FXR2: variants seen among roughly 807,000 people sequenced by gnomAD.
The protein encoded by FXR2 is RNA-binding protein FXR2.
In FXR2, 9 loss-of-function variants were observed where a neutral mutation model predicts 87.3. The observed-to-expected ratio is 0.10, with a 90% CI of 0.06 to 0.18. The LOEUF is 0.18. FXR2 is among the 10% of genes least tolerant of loss of function. The probability of loss-of-function intolerance (pLI) is 1.00; values close to 1 mark genes in which losing one functional copy is unlikely to be tolerated. For missense variants in FXR2, 661 were observed against 893.6 expected, an observed-to-expected ratio of 0.74 and a Z score of 3.32; for synonymous variants, 331 against 328.3, an observed-to-expected ratio of 1.01 and a Z score of -0.09.
At chr17:7,614,108 T>C (rs2071907773) in intron 1 of FXR2, 1 of 535,346 alleles carries the variant, frequency 1.9e-6, no homozygotes, top group African/African-American at 1.9e-5. Context: ...GATTAAGGTC[T>C]AAGGTATGTC....
rs369002233 is a variant in FXR2, at chr17:7,592,768, C to T, written c.1655G>A (p.Arg552His). ...SARRRRSRRR[R>H]TDEDRTVMDG... Reference sequence around the variant, plus strand: ...CATGACGGTCCTGTCTTCATCAGTGCGGCGGCGGCGGGAGCGGCGGCGCCT... The same window carrying T: ...CATGACGGTCCTGTCTTCATCAGTGTGGCGGCGGCGGGAGCGGCGGCGCCT... Residue 552 changes from arginine (R) to histidine (H), a missense_variant, in exon 14 of 17, where the codon CGC becomes CAC. Arg to His is a conservative substitution (Grantham distance 29). Coordinates refer to ENST00000250113, the MANE Select transcript of FXR2 (RefSeq NM_004860.4). The surrounding 1 kb of genome is among the most constrained non-coding windows in gnomAD (Gnocchi z 4.8). 3.5e-5 allele frequency: 57 copies of T among 1,611,762 alleles called. No homozygotes were observed. Among genetic ancestry groups the T allele is most frequent in the Non-Finnish European group, 4.4e-5 (52 of 1,178,574 alleles).
At chr17:7,604,151 C>G in intron 3 of FXR2, 71 bp from the exon 4 acceptor site, 1 of 1,186,692 alleles carries the variant, frequency 8.4e-7, no homozygotes. Context: ...ATGAGGAGGC[C>G]GGGCATGGTG....
Position 7,614,556 on chromosome 17 carries a change from C to T in FXR2, c.-24G>A. The T allele has an allele frequency of 7.0e-6, 10 of 1,422,550 alleles. No homozygotes were observed. The highest frequency in any genetic ancestry group is 1.4e-5 in the South Asian group (1 of 71,386). 88.1% of individuals were successfully genotyped at this position (1,422,550 alleles called of 1,614,324 possible). A position where few individuals can be genotyped will look rare whatever the true frequency, so the allele number is the denominator to read the frequency against. Reference sequence around the variant, plus strand: ...ATGGCGCCGCCACCGCCTCCGACTCCCCCGGCGGCGGCTGCAGCAGCAGTC... The same window carrying T: ...ATGGCGCCGCCACCGCCTCCGACTCTCCCGGCGGCGGCTGCAGCAGCAGTC... On this transcript the variant is annotated 5_prime_UTR_variant, in exon 1 of 17. Coordinates refer to ENST00000250113, the MANE Select transcript of FXR2 (RefSeq NM_004860.4).
rs191727650 is a variant in FXR2, at chr17:7,602,304, G to A, written c.543+605C>T. Among the ~76,000 whole-genome samples the A allele has an allele frequency of 1.1e-4, 17 of 152,178 alleles. No individual in the cohort carries two copies. The South Asian group carries it at 3.1e-3, about 28-fold the overall frequency. On this transcript the variant is annotated intron_variant, in intron 6 of 16. Transcript: ENST00000250113. Reference sequence around the variant, plus strand: ...GGGCATGTCGGGCGCGGTGGCTCACGTCTGTAATCCCAGCACTTTGGGAGG... The same window carrying A: ...GGGCATGTCGGGCGCGGTGGCTCACATCTGTAATCCCAGCACTTTGGGAGG...
intron 1 of FXR2, among the ~76,000 whole-genome samples, chr17:7,613,178 A>G (rs1344885286): frequency 6.6e-6 from 1 of 151,800 alleles, no homozygotes; most frequent in Non-Finnish European, 1.5e-5. Context: ...CAGTGGGGGA[A>G]AAAGGCCTGA....
chr17:7,605,603 G>A (rs779131323), intron 3 of FXR2, 42 bp downstream of exon 3: 1 of 1,014,918 alleles, frequency 9.9e-7, no homozygotes. Flanking sequence ...TAGAATCCTG[G>A]GGAAAAGTGA....
At position 7,592,706 on chromosome 17, in the gene FXR2, C is replaced by G. The variant is rs781405287; in HGVS notation, c.1717G>C (p.Glu573Gln). Residue 573 changes from glutamate (E) to glutamine (Q), a missense_variant, in exon 14 of 17, where the codon GAG becomes CAG. By Grantham distance (29) the Glu-to-Gln change is conservative. Transcript: ENST00000250113. The surrounding 1 kb of genome is among the most constrained non-coding windows in gnomAD (Gnocchi z 4.8). ...GLESDGPNMT[E>Q]NGLEDESRPQ... is the part of the protein sequence containing the mutation. The stretch of plus-strand genomic sequence containing the variant: ...GGCACACCCTCACCCAGGCCATTCT[C>G]TGTCATGTTGGGCCCATCTGATTCC... 44 of 1,613,706 alleles carry G rather than the reference C, an allele frequency of 2.7e-5. No homozygotes were observed. The South Asian group carries it at 4.5e-4, about 17-fold the overall frequency.
chr17:7,599,410 C>T (rs776617863), intron 7 of FXR2, among the ~76,000 whole-genome samples: 2 of 152,170 alleles, frequency 1.3e-5, no homozygotes, highest in Non-Finnish European at 2.9e-5. Context: ...CAAAGATTAT[C>T]ATGACCCAGA....
chr17:7,612,368 G>A (rs2071873785), intron 1 of FXR2, among the ~76,000 whole-genome samples: 1 of 152,204 alleles, frequency 6.6e-6, no homozygotes, highest in South Asian at 2.1e-4. Context: ...AAAAGGATAT[G>A]AGAGACAAAT....
In FXR2 at chr17:7,614,783, T is replaced by G; in HGVS notation, c.-251A>C. ...GGAAACGGCCGCCGCCGCCGCTGCC[T>G]TCGTCACCTCAGCTTCCGCCCGCCG... On this transcript the variant is annotated 5_prime_UTR_variant, in exon 1 of 17. Coordinates refer to ENST00000250113, the MANE Select transcript of FXR2 (RefSeq NM_004860.4). The G allele has an allele frequency of 4.8e-6, 1 of 209,918 alleles. No individual in the cohort carries two copies. Among genetic ancestry groups the G allele is most frequent in the Non-Finnish European group, 9.2e-6 (1 of 109,098 alleles). The allele number at this position is 209,918 out of a possible 1,614,324, so 13.0% of individuals were successfully genotyped here. A position where few individuals can be genotyped will look rare whatever the true frequency, so the allele number is the denominator to read the frequency against.
chr17:7,596,574 A>G (rs947755337), intron 7 of FXR2: 1 of 152,696 alleles, frequency 6.5e-6, no homozygotes, highest in Non-Finnish European at 1.5e-5. Flanking sequence ...TGGCCCTAAC[A>G]GTATCTGTCC....
At position 7,592,731 on chromosome 17, in the gene FXR2, C is replaced by T; in HGVS notation, c.1692G>A (p.Leu564=). 2 of 1,613,392 alleles carry T rather than the reference C, an allele frequency of 1.2e-6. No homozygotes were observed. Among genetic ancestry groups the T allele is most frequent in the Non-Finnish European group, 1.7e-6 (2 of 1,179,732 alleles). The change falls in exon 14 of 17, where the codon CTG becomes CTA. Residue 564 remains leucine (L), a synonymous_variant. Transcript: ENST00000250113. This position sits in a 1 kb window ranked among gnomAD's most constrained non-coding sequence, Gnocchi z 4.8. ...DEDRTVMDGG[L]ESDGPNMTEN... is the part of the protein sequence containing the mutation. ...CTGTCATGTTGGGCCCATCTGATTCCAGGCCTCCATCCATGACGGTCCTGT... is the reference window on the plus strand; with the variant it reads ...CTGTCATGTTGGGCCCATCTGATTCTAGGCCTCCATCCATGACGGTCCTGT...
chr17:7,594,627 G>T lies in FXR2; in HGVS notation c.910+52C>A. 8.9e-7 allele frequency: 1 copy of T among 1,125,042 alleles called. No individual in the cohort carries two copies. Among genetic ancestry groups the T allele is most frequent in the Non-Finnish European group, 1.4e-6 (1 of 733,534 alleles). The allele number at this position is 1,125,042 out of a possible 1,614,324, so 69.7% of individuals were successfully genotyped here. On this transcript the variant is annotated intron_variant, in intron 9 of 16. Coordinates refer to ENST00000250113, the MANE Select transcript of FXR2 (RefSeq NM_004860.4). This position sits in a 1 kb window ranked among gnomAD's most constrained non-coding sequence, Gnocchi z 5.1. Reference sequence around the variant, plus strand: ...TCCTGGATAAAAGCTCAGAATCACTGTAGAGAATCTTGATTCTGACCTCTA... The same window carrying T: ...TCCTGGATAAAAGCTCAGAATCACTTTAGAGAATCTTGATTCTGACCTCTA...
intron 1 of FXR2, among the ~76,000 whole-genome samples, chr17:7,613,361 A>C (rs1376860797): frequency 1.3e-5 from 2 of 152,088 alleles, no homozygotes; most frequent in Non-Finnish European, 2.9e-5. Context: ...CAACAGTCAC[A>C]CAAAGAAAAA....
At chr17:7,597,152 C>T (rs1327033127) in intron 7 of FXR2, among the ~76,000 whole-genome samples, 3 of 152,106 alleles carry the variant, frequency 2.0e-5, no homozygotes, top group Non-Finnish European at 4.4e-5. Flanking sequence ...GAACACCAGG[C>T]TTTCACTTCA....
chr17:7,607,919 A>C (rs1296122493), intron 1 of FXR2, among the ~76,000 whole-genome samples: 1 of 152,054 alleles, frequency 6.6e-6, no homozygotes, highest in South Asian at 2.1e-4. Context: ...CAGCCTCCCA[A>C]GTAGCTGGGA....
rs1424961571 is a variant in FXR2, at chr17:7,604,878, C to T, written c.228+767G>A. Among the ~76,000 whole-genome samples, 10 of 151,562 alleles carry T rather than the reference C, an allele frequency of 6.6e-5. No homozygotes were observed. The South Asian group carries it at 8.3e-4, about 13-fold the overall frequency. ...CTGGGATTATAGGCGCCCGCCACCA[C>T]GCCCAGCTAATTTTTTGTATTTTTA... On this transcript the variant is annotated intron_variant, in intron 3 of 16. Transcript: ENST00000250113.
intron 1 of FXR2, among the ~76,000 whole-genome samples, chr17:7,608,899 TA>T (rs1312679186): frequency 6.6e-6 from 1 of 152,140 alleles, no homozygotes; most frequent in Non-Finnish European, 1.5e-5. Flanking sequence ...AGATGTTTTT[TA>T]AAAAAATTAG....
Position 7,592,900 on chromosome 17 carries a change from C to A in FXR2, c.1529-6G>T. ...ACTGTCTGGATCCTTCAGCACTGGT[C>A]AGAGGAAGAAGAGGAGGAGTTGGCA... On this transcript the variant is annotated splice_region_variant and splice_polypyrimidine_tract_variant and intron_variant, in intron 13 of 16. Coordinates refer to ENST00000250113, the MANE Select transcript of FXR2 (RefSeq NM_004860.4). This position sits in a 1 kb window ranked among gnomAD's most constrained non-coding sequence, Gnocchi z 4.8. 1.3e-6 allele frequency: 2 copies of A among 1,563,000 alleles called. No homozygotes were observed. Among genetic ancestry groups the A allele is most frequent in the South Asian group, 1.2e-5 (1 of 83,536 alleles).
Sources: allele counts gnomAD v4.1 joint callset (sites outside exome capture counted in the v4.1 genomes callset), GRCh38; gene constraint gnomAD v4.1.1; non-coding constraint Gnocchi (gnomAD v3.1); transcripts MANE v1.5; gene names NCBI Gene and HGNC (gene_info 2026-07-23, HGNC 2026-07-21).